The following ZNF510 variants were observed in gnomAD, a reference collection of about 807,000 sequenced individuals.
The protein encoded by ZNF510 is zinc finger protein 510.
A neutral mutation model predicts 18.1 loss-of-function variants in ZNF510; 15 were observed. That is an observed-to-expected ratio of 0.83 (90% CI 0.55 to 1.28). The LOEUF is 1.28. ZNF510 is among the 50% of genes most tolerant of loss of function. The pLI, the probability that ZNF510 is intolerant of heterozygous loss-of-function variation, is 0.00. For missense variants in ZNF510, 724 were observed against 791.8 expected (o/e 0.91, Z 1.03); for synonymous variants, 261 against 266.4 (o/e 0.98, Z 0.20).
At position 96,758,153 on chromosome 9, in the gene ZNF510, TCA is replaced by T. The variant is rs1849240438; in HGVS notation, c.*623_*624del. The stretch of plus-strand genomic sequence containing the variant: ...ACTACTGTATAAGCTTAAATTTTGC[TCA>T]CATAATGTTCAACTGGGAAAGACAC... On this transcript the variant is annotated 3_prime_UTR_variant, in exon 6 of 6. Transcript: ENST00000223428. 1 of 152,250 alleles carries T rather than the reference TCA, an allele frequency of 6.6e-6. No individual in the cohort carries two copies. Among genetic ancestry groups the T allele is most frequent in the South Asian group, 2.1e-4 (1 of 4,832 alleles). 9.4% of individuals were successfully genotyped at this position (152,250 alleles called of 1,614,324 possible). A position where few individuals can be genotyped will look rare whatever the true frequency, so the allele number is the denominator to read the frequency against.
intron 3 of ZNF510, among the ~76,000 whole-genome samples, chr9:96,769,516 C>T (rs1849543272): frequency 6.6e-6 from 1 of 151,286 alleles, no homozygotes; most frequent in Non-Finnish European, 1.5e-5. Context: ...TAGATGAAAT[C>T]AGGAGTAAAC....
In ZNF510 at chr9:96,755,229, A is replaced by T. The variant is rs1849167995; in HGVS notation, c.*3549T>A. 6.6e-6 allele frequency among the ~76,000 whole-genome samples: 1 copy of T among 152,218 alleles called. No individual in the cohort carries two copies. The highest frequency in any genetic ancestry group is 2.1e-4 in the South Asian group (1 of 4,830). ...ATCCTTAATACCAAACCCAGTCATA[A>T]TCCTCAAATATCCTATTTAAAAGGG... On this transcript the variant is annotated 3_prime_UTR_variant, in exon 6 of 6. Coordinates refer to ENST00000223428, the MANE Select transcript of ZNF510 (RefSeq NM_014930.3).
In ZNF510 at chr9:96,758,807, T is replaced by C. The variant is rs1564432521; in HGVS notation, c.2023A>G (p.Lys675Glu). The C allele has an allele frequency of 5.0e-6, 8 of 1,590,488 alleles. No individual in the cohort carries two copies. The highest frequency in any genetic ancestry group is 6.8e-6 in the Non-Finnish European group (8 of 1,168,212). Residue 675 changes from lysine to glutamate, a missense_variant, in exon 6 of 6, where the codon AAA (lysine) becomes GAA (glutamate). Coordinates refer to ENST00000223428, the MANE Select transcript of ZNF510 (RefSeq NM_014930.3). ...TAGGGATTCCCCTCTCCCTGAATTT[T>C]CTGGTATAAGCTTAGGGTAGACTTC... ...CKKSTLSLYQKIQGEGNPY is the reference protein window; with the variant it reads ...CKKSTLSLYQEIQGEGNPY
At chr9:96,772,491 C>CA (rs1456840305) in intron 3 of ZNF510, among the ~76,000 whole-genome samples, 1 of 151,732 alleles carries the variant, frequency 6.6e-6, no homozygotes, top group African/African-American at 2.4e-5. Context: ...GCACACATGG[C>CA]AAAAAACATT....
chr9:96,770,087 G>C (rs768943408), intron 3 of ZNF510, among the ~76,000 whole-genome samples: 1 of 152,100 alleles, frequency 6.6e-6, no homozygotes, highest in South Asian at 2.1e-4. Flanking sequence ...AGAGAAAACA[G>C]GTGTCCAAAC....
At chr9:96,762,998 G>C (rs1849388250) in intron 5 of ZNF510, 120 bp downstream of exon 5, 1 of 763,318 alleles carries the variant, frequency 1.3e-6, no homozygotes, top group Admixed American at 2.1e-5. Flanking sequence ...TTTAACTGCT[G>C]CTTTTTGTGC....
At position 96,774,812 on chromosome 9, in the gene ZNF510, C is replaced by CTT; in HGVS notation, c.104_105insAA (p.Gln36SerfsTer5). Reference sequence around the variant, plus strand: ...CCTGAGATATGTTCATTTTCTGCTGCTCCTGAAAGAGTGTGGAGAACCGTA... The same window carrying CTT: ...CCTGAGATATGTTCATTTTCTGCTGCTTTCCTGAAAGAGTGTGGAGAACCGTA... On this transcript the variant is annotated frameshift_variant, in exon 3 of 6. Transcript: ENST00000223428. LOFTEE classifies it high-confidence loss of function. 6.2e-7 allele frequency: 1 copy of CTT among 1,613,912 alleles called. No individual in the cohort carries two copies. The highest frequency in any genetic ancestry group is 8.5e-7 in the Non-Finnish European group (1 of 1,179,976).
chr9:96,760,493 T>TCATCACCTCTGTAATCTTCTAAAACA lies in ZNF510; in HGVS notation c.353-17_353-16insTGTTTTAGAAGATTACAGAGGTGATG. The TCATCACCTCTGTAATCTTCTAAAACA allele has an allele frequency of 6.4e-7, 1 of 1,570,272 alleles. No homozygotes were observed. The highest frequency in any genetic ancestry group is 8.6e-7 in the Non-Finnish European group (1 of 1,160,420). ...CTGTAATCTTCTAAAACAGAAATAT[T>TCATCACCTCTGTAATCTTCTAAAACA]GAAAACATCTTATGACTCTTACATC... is the stretch of plus-strand genomic sequence containing the variant. On this transcript the variant is annotated splice_polypyrimidine_tract_variant and intron_variant, in intron 5 of 5. Transcript: ENST00000223428.
At position 96,776,184 on chromosome 9, in the gene ZNF510, G is replaced by C; in HGVS notation, c.-115C>G. Reference sequence around the variant, plus strand: ...TCTGTTTGGAAGCCCTGGTGAGGAGGTCTCTGTTCTGTCAGAGAGCAGTTC... The same window carrying C: ...TCTGTTTGGAAGCCCTGGTGAGGAGCTCTCTGTTCTGTCAGAGAGCAGTTC... On this transcript the variant is annotated 5_prime_UTR_variant, in exon 2 of 6. Transcript: ENST00000223428. The C allele has an allele frequency of 6.8e-7, 1 of 1,460,242 alleles. No homozygotes were observed. The highest frequency in any genetic ancestry group is 1.4e-5 in the African/African-American group (1 of 69,936). The allele number at this position is 1,460,242 out of a possible 1,614,324, so 90.5% of individuals were successfully genotyped here.
At chr9:96,767,702 G>A (rs1849505884) in intron 3 of ZNF510, among the ~76,000 whole-genome samples, 1 of 152,132 alleles carries the variant, frequency 6.6e-6, no homozygotes, top group Non-Finnish European at 1.5e-5. Flanking sequence ...CGAACAGACT[G>A]ATATAAGACT....
chr9:96,771,205 T>TA (rs1297146968), intron 3 of ZNF510, among the ~76,000 whole-genome samples: 1 of 152,160 alleles, frequency 6.6e-6, no homozygotes, highest in Non-Finnish European at 1.5e-5. Context: ...ATCTTTCCAT[T>TA]AATGTAGACA....
chr9:96,775,708 T>C (rs1849682627), intron 2 of ZNF510, among the ~76,000 whole-genome samples: 1 of 152,152 alleles, frequency 6.6e-6, no homozygotes, highest in South Asian at 2.1e-4. Context: ...GAGTCAGAAA[T>C]AGAAATCCTT....
chr9:96,772,873 T>TATCCCAAA (rs1457660806), intron 3 of ZNF510, among the ~76,000 whole-genome samples: 2 of 152,144 alleles, frequency 1.3e-5, no homozygotes, highest in Admixed American at 1.3e-4. Context: ...TTTCTAAGTA[T>TATCCCAAA]ATCCCAAAAG....
rs1174781892 is a variant in ZNF510 at position 96,755,905 on chromosome 9, T to TA, written c.*2872dup. 1 of 152,132 alleles carries TA rather than the reference T, an allele frequency of 6.6e-6. No homozygotes were observed. The allele number at this position is 152,132 out of a possible 1,614,324, so 9.4% of individuals were successfully genotyped here. ...TTATTTTGTACAGTACATGGTACTGTAAAAGTACCATGTACTTTTACCATG... is the reference window on the plus strand; with the variant it reads ...TTATTTTGTACAGTACATGGTACTGTAAAAAGTACCATGTACTTTTACCATG... On this transcript the variant is annotated 3_prime_UTR_variant, in exon 6 of 6. Coordinates refer to ENST00000223428, the MANE Select transcript of ZNF510 (RefSeq NM_014930.3).
intron 3 of ZNF510, among the ~76,000 whole-genome samples, chr9:96,774,304 G>GT (rs1456330178): frequency 6.7e-6 from 1 of 149,180 alleles, no homozygotes; most frequent in East Asian, 1.9e-4. Flanking sequence ...CTGAAAAACT[G>GT]TATTAATAAT....
intron 3 of ZNF510, among the ~76,000 whole-genome samples, chr9:96,768,649 CTT>C (rs1385495956): frequency 6.6e-6 from 1 of 152,104 alleles, no homozygotes; most frequent in African/African-American, 2.4e-5. Context: ...AGGTACATGA[CTT>C]ATACGTGAAC....
intron 3 of ZNF510, among the ~76,000 whole-genome samples, chr9:96,768,812 A>C (rs1169972577): frequency 6.6e-6 from 1 of 152,146 alleles, no homozygotes; most frequent in African/African-American, 2.4e-5. Flanking sequence ...AATCCTAATG[A>C]CCTTTCTGCA....
chr9:96,761,576 C>T (rs2117948444), intron 5 of ZNF510, among the ~76,000 whole-genome samples: 1 of 135,666 alleles, frequency 7.4e-6, no homozygotes, highest in Non-Finnish European at 1.5e-5. Context: ...CTTCTCTATG[C>T]TTAGAATTCA....
At chr9:96,773,740 T>A (rs897500753) in intron 3 of ZNF510, among the ~76,000 whole-genome samples, 5 of 152,282 alleles carry the variant, frequency 3.3e-5, no homozygotes, top group African/African-American at 9.6e-5. Context: ...CACGCCCGGC[T>A]AATTTTTATA....
Sources: allele counts gnomAD v4.1 joint callset (sites outside exome capture counted in the v4.1 genomes callset), GRCh38; gene constraint gnomAD v4.1.1; transcripts MANE v1.5; gene names NCBI Gene and HGNC (gene_info 2026-07-23, HGNC 2026-07-21).